CYTH3: variants seen among roughly 807,000 people sequenced by gnomAD.
CYTH3 encodes cytohesin 3, also known as cytohesin-3.
CYTH3 carries 23 observed loss-of-function variants against 55.1 expected under a neutral mutation model. The observed-to-expected ratio is 0.42, with a 90% CI of 0.30 to 0.59. The LOEUF is 0.59. Ranked by LOEUF, CYTH3 falls within the 20% of genes least tolerant of loss-of-function variation. The pLI, the probability that CYTH3 is intolerant of heterozygous loss-of-function variation, is 0.20. For missense variants in CYTH3, 413 were observed against 524.8 expected, an observed-to-expected ratio of 0.79 and a Z score of 2.08; for synonymous variants, 249 against 194.9, an observed-to-expected ratio of 1.28 and a Z score of -2.31.
At chr7:6,199,702 T>A (rs1282150615) in intron 1 of CYTH3, among the ~76,000 whole-genome samples, 1 of 152,134 alleles carries the variant, frequency 6.6e-6, no homozygotes, top group Non-Finnish European at 1.5e-5. Context: ...TGCAAAACAA[T>A]GAAAGTCTTG....
At chr7:6,211,929 T>G (rs369036488) in intron 1 of CYTH3, among the ~76,000 whole-genome samples, 108 of 152,252 alleles carry the variant, frequency 7.1e-4, no homozygotes, top group African/African-American at 2.4e-3. Flanking sequence ...AAGGTTGCAG[T>G]GAGCTGAGAT....
chr7:6,196,461 T>C (rs1452906318), intron 1 of CYTH3, among the ~76,000 whole-genome samples: 30 of 148,488 alleles, frequency 2.0e-4, no homozygotes, highest in East Asian at 7.9e-4. Flanking sequence ...TTTTTCTTTT[T>C]TTTTTTTTTT....
At chr7:6,247,639 C>T (rs1779854844) in intron 1 of CYTH3, among the ~76,000 whole-genome samples, 1 of 152,004 alleles carries the variant, frequency 6.6e-6, no homozygotes, top group Non-Finnish European at 1.5e-5. Flanking sequence ...TCTTTCATTT[C>T]ACTTTATAAT....
At chr7:6,219,146 G>A (rs1265127320) in intron 1 of CYTH3, among the ~76,000 whole-genome samples, 1 of 151,162 alleles carries the variant, frequency 6.6e-6, no homozygotes, top group African/African-American at 2.4e-5. Context: ...TAAATGTACT[G>A]CTGGTAGGAC....
In CYTH3 at chr7:6,167,976, G is replaced by C. The variant is rs892798654; in HGVS notation, c.824-2166C>G. Among the ~76,000 whole-genome samples, 1 of 152,220 alleles carries C rather than the reference G, an allele frequency of 6.6e-6. No individual in the cohort carries two copies. Among genetic ancestry groups the C allele is most frequent in the Non-Finnish European group, 1.5e-5 (1 of 68,032 alleles). On this transcript the variant is annotated intron_variant, in intron 9 of 12. Transcript: ENST00000350796. The surrounding 1 kb of genome is among the most constrained non-coding windows in gnomAD (Gnocchi z 5.5). ...GTTGCAGACCAGGACTGCAGGCCCAGGGAAGGGGTGATAAGCTTGGTCTCA... is the reference window on the plus strand; with the variant it reads ...GTTGCAGACCAGGACTGCAGGCCCACGGAAGGGGTGATAAGCTTGGTCTCA...
rs1335961259 is a variant in CYTH3, at chr7:6,190,595, A to C, written c.35-64T>G. The C allele has an allele frequency of 3.8e-6, 5 of 1,307,906 alleles. No individual in the cohort carries two copies. In the East Asian group the frequency reaches 1.3e-4, roughly 33 times the overall value. The allele number at this position is 1,307,906 out of a possible 1,614,324, so 81.0% of individuals were successfully genotyped here. On this transcript the variant is annotated intron_variant, in intron 1 of 12. Coordinates refer to ENST00000350796, the MANE Select transcript of CYTH3 (RefSeq NM_004227.4). ...ACATTGGCAACATCCAGCAAGGTTG[A>C]GGTGGGTACATGCTGCCACCCAGCA...
intron 1 of CYTH3, among the ~76,000 whole-genome samples, chr7:6,243,118 A>T (rs957475603): frequency 6.6e-6 from 1 of 152,206 alleles, no homozygotes; most frequent in Non-Finnish European, 1.5e-5. Flanking sequence ...TTCTTCCCCA[A>T]AACTTGTCAA....
intron 4 of CYTH3, among the ~76,000 whole-genome samples, chr7:6,180,921 G>C (rs1048796078): frequency 6.6e-6 from 1 of 151,902 alleles, no homozygotes; most frequent in African/African-American, 2.4e-5. Flanking sequence ...TCAAATCTAC[G>C]GTGAGCACTG....
chr7:6,230,462 G>A (rs377604736), intron 1 of CYTH3, among the ~76,000 whole-genome samples: 1 of 152,088 alleles, frequency 6.6e-6, no homozygotes, highest in Non-Finnish European at 1.5e-5. Context: ...ATAAAAACCT[G>A]GAATCCTAAT....
chr7:6,172,679 G>T (rs943871577), intron 6 of CYTH3: 1 of 1,046,364 alleles, frequency 9.6e-7, no homozygotes, highest in African/African-American at 1.7e-5. Flanking sequence ...TGGACTGAAA[G>T]AAATGGAGTC....
intron 4 of CYTH3, among the ~76,000 whole-genome samples, chr7:6,185,124 CA>C (rs1037168238): frequency 3.3e-5 from 5 of 152,210 alleles, no homozygotes; most frequent in African/African-American, 1.2e-4. Flanking sequence ...CCCAAAATAT[CA>C]AATCATTTCC....
chr7:6,165,191 A>G, intron 12 of CYTH3, 82 bp downstream of exon 12: 2 of 1,558,472 alleles, frequency 1.3e-6, no homozygotes, highest in Non-Finnish European at 1.7e-6. Flanking sequence ...TGCACACGGA[A>G]GCATCCATGT....
At chr7:6,263,794 A>G (rs76756263) in intron 1 of CYTH3, among the ~76,000 whole-genome samples, 6,029 of 150,602 alleles carry the variant, frequency 0.04, 449 homozygotes, top group East Asian at 0.34. Flanking sequence ...TGAGGACACT[A>G]ACTTCAGGAA....
chr7:6,206,062 T>C lies in CYTH3; in HGVS notation c.35-15531A>G, dbSNP rs1482077437. Among the ~76,000 whole-genome samples, 7 of 152,260 alleles carry C rather than the reference T, an allele frequency of 4.6e-5. No individual in the cohort carries two copies. In the East Asian group the frequency reaches 1.3e-3, roughly 29 times the overall value. ...GCCACTTAGAAAAACAGTTTGGCAG[T>C]TCTTCAAAAAGTTAAAACAGTTTGC... On this transcript the variant is annotated intron_variant, in intron 1 of 12. Transcript: ENST00000350796.
In CYTH3 at chr7:6,166,462, G is replaced by A. The variant is rs556204616; in HGVS notation, c.824-652C>T. The stretch of plus-strand genomic sequence containing the variant: ...GACAATGAACTCAAGTGCTCCCTGG[G>A]GTACTAGGCCCTCTCTGCCCCATGC... On this transcript the variant is annotated intron_variant, in intron 9 of 12. Transcript: ENST00000350796. Among the ~76,000 whole-genome samples, 9 of 152,340 alleles carry A rather than the reference G, an allele frequency of 5.9e-5. No homozygotes were observed. In the East Asian group the frequency reaches 1.3e-3, roughly 23 times the overall value.
At chr7:6,179,709 ACACCC>A (rs1225278023) in intron 4 of CYTH3, among the ~76,000 whole-genome samples, 28 of 92,090 alleles carry the variant, frequency 3.0e-4, no homozygotes, top group African/African-American at 1.3e-3. Flanking sequence ...CACCCCACAC[ACACCC>A]CACACACCAC....
chr7:6,269,753 C>T (rs952989264), intron 1 of CYTH3, among the ~76,000 whole-genome samples: 1 of 152,190 alleles, frequency 6.6e-6, no homozygotes, highest in African/African-American at 2.4e-5. Flanking sequence ...TTCATGCCAC[C>T]ATCCTCTCTC....
chr7:6,212,595 T>C (rs1434166458), intron 1 of CYTH3: 2 of 152,172 alleles, frequency 1.3e-5, no homozygotes, highest in South Asian at 2.1e-4. Context: ...TGTTGTGGCA[T>C]GTGACAGAGT....
At chr7:6,190,418 TGGA>T (rs1360219688) in intron 2 of CYTH3, 28 bp downstream of exon 2, 6 of 1,439,080 alleles carry the variant, frequency 4.2e-6, no homozygotes, top group Admixed American at 6.0e-5. Context: ...AACAGAGTTT[TGGA>T]TTTTTGGTTT....
Sources: allele counts gnomAD v4.1 joint callset (sites outside exome capture counted in the v4.1 genomes callset), GRCh38; gene constraint gnomAD v4.1.1; non-coding constraint Gnocchi (gnomAD v3.1); transcripts MANE v1.5; gene names NCBI Gene and HGNC (gene_info 2026-07-23, HGNC 2026-07-21).